DENND1B: variants seen among roughly 807,000 people sequenced by gnomAD.
DENND1B encodes DENN domain containing 1B.
DENND1B carries 59 observed loss-of-function variants against 90.1 expected under a neutral mutation model. The observed-to-expected ratio is 0.65, with a 90% CI of 0.53 to 0.81. The LOEUF (loss-of-function observed/expected upper bound fraction) is 0.81, where lower values mean the gene tolerates loss of function less well. DENND1B is among the 40% of genes least tolerant of loss of function. The pLI is 0.00. For missense variants in DENND1B, 862 were observed against 912.6 expected, an observed-to-expected ratio of 0.94 and a Z score of 0.71; for synonymous variants, 337 against 324.6, an observed-to-expected ratio of 1.04 and a Z score of -0.41.
intron 20 of DENND1B, among the ~76,000 whole-genome samples, chr1:197,534,477 A>G (rs1275286884): frequency 6.6e-6 from 1 of 152,204 alleles, no homozygotes; most frequent in East Asian, 1.9e-4. Flanking sequence ...TGGATCTAAA[A>G]CATCTAACCT....
chr1:197,570,703 C>T (rs1673074255), intron 15 of DENND1B, among the ~76,000 whole-genome samples: 1 of 152,116 alleles, frequency 6.6e-6, no homozygotes, highest in South Asian at 2.1e-4. Flanking sequence ...AAACAGAAAT[C>T]TCCCTATGTC....
At chr1:197,608,464 A>G (rs1463678800) in intron 12 of DENND1B, among the ~76,000 whole-genome samples, 1 of 150,606 alleles carries the variant, frequency 6.6e-6, no homozygotes, top group Middle Eastern at 3.2e-3. Flanking sequence ...ACATATATGC[A>G]AAAAGCTTTA....
At chr1:197,647,450 A>T (rs956437893) in intron 7 of DENND1B, among the ~76,000 whole-genome samples, 1 of 152,172 alleles carries the variant, frequency 6.6e-6, no homozygotes, top group African/African-American at 2.4e-5. Context: ...AGGAACAAAA[A>T]CTTACATAAT....
intron 2 of DENND1B, among the ~76,000 whole-genome samples, chr1:197,761,477 A>G: frequency 6.6e-6 from 1 of 152,170 alleles, no homozygotes; most frequent in East Asian, 1.9e-4. Flanking sequence ...ATTAAAACAC[A>G]TTTGAACTTA....
chr1:197,521,201 C>T (rs547263786), intron 20 of DENND1B, among the ~76,000 whole-genome samples: 2 of 151,930 alleles, frequency 1.3e-5, no homozygotes, highest in Admixed American at 6.6e-5. Context: ...AGTTTAGTTT[C>T]GTTACAGTAA....
chr1:197,593,059 G>A (rs1675376192), intron 14 of DENND1B, among the ~76,000 whole-genome samples: 3 of 151,538 alleles, frequency 2.0e-5, no homozygotes, highest in Admixed American at 2.0e-4. Context: ...ATTAAAAAAA[G>A]GTCTAAGTAA....
chr1:197,733,361 G>A (rs1662325728), intron 2 of DENND1B, among the ~76,000 whole-genome samples: 1 of 152,106 alleles, frequency 6.6e-6, no homozygotes, highest in Non-Finnish European at 1.5e-5. Flanking sequence ...TATAAACACA[G>A]CATACAAACC....
chr1:197,529,232 AT>A (rs1669400667), intron 20 of DENND1B, among the ~76,000 whole-genome samples: 1 of 12,448 alleles, frequency 8.0e-5, no homozygotes, highest in African/African-American at 1.7e-4. Context: ...ATATATATAT[AT>A]ATATATATAT....
At chr1:197,633,988 T>C (rs956306651) in intron 10 of DENND1B, among the ~76,000 whole-genome samples, 2 of 152,144 alleles carry the variant, frequency 1.3e-5, no homozygotes, top group African/African-American at 4.8e-5. Flanking sequence ...ATGGCATTTC[T>C]CTGAGGGCAG....
chr1:197,753,523 A>C (rs2102420519), intron 2 of DENND1B, among the ~76,000 whole-genome samples: 1 of 152,208 alleles, frequency 6.6e-6, no homozygotes, highest in East Asian at 1.9e-4. Context: ...CAACATGATA[A>C]GTGATCCCTA....
At chr1:197,651,362 G>A (rs190186730) in intron 7 of DENND1B, among the ~76,000 whole-genome samples, 17 of 152,010 alleles carry the variant, frequency 1.1e-4, no homozygotes, top group Admixed American at 2.6e-4. Context: ...GGTACACTTC[G>A]TTAAAAGTTT....
intron 16 of DENND1B, among the ~76,000 whole-genome samples, chr1:197,547,187 G>T (rs1009611265): frequency 2.6e-5 from 4 of 152,088 alleles, no homozygotes; most frequent in Non-Finnish European, 5.9e-5. Context: ...GGCACTGTTT[G>T]AGCCCAGGAG....
intron 2 of DENND1B, 43 bp downstream of exon 2, chr1:197,772,825 A>C (rs942711947): frequency 6.6e-7 from 1 of 1,515,396 alleles, no homozygotes. Flanking sequence ...TTGTCCCAAA[A>C]AAAAGAGACC....
rs555257390 is a variant in DENND1B, at chr1:197,749,053, G to A, written c.82+23815C>T. On this transcript the variant is annotated intron_variant, in intron 2 of 22. Coordinates refer to ENST00000620048, the MANE Select transcript of DENND1B (RefSeq NM_001195215.2). ...GCAGATTGGATACTGTAGAATAAAA[G>A]ATTAGAGAACCTAAGTACAGAATAA... 3.3e-5 allele frequency among the ~76,000 whole-genome samples: 5 copies of A among 152,158 alleles called. No homozygotes were observed. In the South Asian group the frequency reaches 1.0e-3, roughly 32 times the overall value.
chr1:197,551,964 C>T (rs967479771), intron 16 of DENND1B, among the ~76,000 whole-genome samples: 5 of 152,260 alleles, frequency 3.3e-5, no homozygotes, highest in Admixed American at 6.5e-5. Flanking sequence ...GCTACACTTA[C>T]ATCAGATAAA....
intron 2 of DENND1B, among the ~76,000 whole-genome samples, chr1:197,720,286 G>C (rs1337987672): frequency 6.6e-6 from 1 of 152,106 alleles, no homozygotes; most frequent in Non-Finnish European, 1.5e-5. Context: ...ACCCAGGGTA[G>C]AGTACAGTGG....
At position 197,733,920 on chromosome 1, in the gene DENND1B, G is replaced by A. The variant is rs147443378; in HGVS notation, c.83-18846C>T. On this transcript the variant is annotated intron_variant, in intron 2 of 22. Coordinates refer to ENST00000620048, the MANE Select transcript of DENND1B (RefSeq NM_001195215.2). ...CAACATACAACCCCTTCCTCTATACGTGCTCTTAAAATAATACACAGGCTT... is the reference window on the plus strand; with the variant it reads ...CAACATACAACCCCTTCCTCTATACATGCTCTTAAAATAATACACAGGCTT... 238 of 267,172 alleles carry A rather than the reference G, an allele frequency of 8.9e-4. 1 individual carries two copies. Among genetic ancestry groups the A allele is most frequent in the African/African-American group, 4.6e-3 (198 of 43,472 alleles). 16.6% of individuals were successfully genotyped at this position (267,172 alleles called of 1,614,324 possible). A position where few individuals can be genotyped will look rare whatever the true frequency, so the allele number is the denominator to read the frequency against.
At chr1:197,584,527 T>C (rs1435558988) in intron 14 of DENND1B, among the ~76,000 whole-genome samples, 2 of 152,158 alleles carry the variant, frequency 1.3e-5, no homozygotes. Context: ...AGCACTGCTA[T>C]AGAAAAAAGA....
chr1:197,528,791 C>T (rs966967502), intron 20 of DENND1B, among the ~76,000 whole-genome samples: 11 of 149,028 alleles, frequency 7.4e-5, no homozygotes, highest in African/African-American at 2.5e-4. Flanking sequence ...ACCCGGGAGG[C>T]GGAGCTTGCA....
Sources: allele counts gnomAD v4.1 joint callset (sites outside exome capture counted in the v4.1 genomes callset), GRCh38; gene constraint gnomAD v4.1.1; transcripts MANE v1.5; gene names NCBI Gene and HGNC (gene_info 2026-07-23, HGNC 2026-07-21).